Variants in SLCO2B1 observed in about 807,000 individuals in gnomAD.
SLCO2B1 encodes OATP-RP2.
A neutral mutation model predicts 67.3 loss-of-function variants in SLCO2B1; 41 were observed. That is an observed-to-expected ratio of 0.61 (90% CI 0.47 to 0.79). The LOEUF (loss-of-function observed/expected upper bound fraction) is 0.79. SLCO2B1 is among the 30% of genes least tolerant of loss of function. The pLI, the probability that SLCO2B1 is intolerant of heterozygous loss-of-function variation, is 0.00. For missense variants in SLCO2B1, 837 were observed against 920.1 expected, an observed-to-expected ratio of 0.91 and a Z score of 1.17; for synonymous variants, 379 against 381.4, an observed-to-expected ratio of 0.99 and a Z score of 0.07.
rs949542413 is a variant in SLCO2B1 at position 75,196,800 on chromosome 11, C to A, written c.1599+121C>A. 7 of 919,170 alleles carry A rather than the reference C, an allele frequency of 7.6e-6. No individual in the cohort carries two copies. The African/African-American group carries it at 1.2e-4, about 16-fold the overall frequency. 56.9% of individuals were successfully genotyped at this position (919,170 alleles called of 1,614,324 possible). A position where few individuals can be genotyped will look rare whatever the true frequency, so the allele number is the denominator to read the frequency against. ...CTCTGTAGCTCTCGTCTCTCTGTCT[C>A]TCTCTGTTGGCAGATGTAGAACATT... On this transcript the variant is annotated intron_variant, in intron 10 of 13. Coordinates refer to ENST00000289575, the MANE Select transcript of SLCO2B1 (RefSeq NM_007256.5).
intron 9 of SLCO2B1, among the ~76,000 whole-genome samples, chr11:75,194,159 A>G (rs947537775): frequency 6.6e-6 from 1 of 152,190 alleles, no homozygotes; most frequent in South Asian, 2.1e-4. Context: ...AAATTACAGA[A>G]TTCTTTTTCC....
chr11:75,187,060 C>T (rs2140331168), intron 7 of SLCO2B1, among the ~76,000 whole-genome samples: 1 of 152,320 alleles, frequency 6.6e-6, no homozygotes, highest in African/African-American at 2.4e-5. Context: ...ATTATGGTAT[C>T]TACTTCATTA....
chr11:75,186,504 C>T (rs1019350648), intron 7 of SLCO2B1, among the ~76,000 whole-genome samples: 8 of 151,654 alleles, frequency 5.3e-5, no homozygotes, highest in Non-Finnish European at 7.4e-5. Context: ...CCGCCACGCC[C>T]GACTGATTTT....
rs1390169119 is a variant in SLCO2B1 at position 75,193,850 on chromosome 11, G to T, written c.1433+275G>T. ...GGTGTGGAGGCTGAGATAGGGCAGA[G>T]CCACCCATGGGATGGCATGTCCAGG... On this transcript the variant is annotated intron_variant, in intron 9 of 13. Transcript: ENST00000289575. This position sits in a 1 kb window ranked among gnomAD's most constrained non-coding sequence, Gnocchi z 4.2. Among the ~76,000 whole-genome samples the T allele has an allele frequency of 6.6e-6, 1 of 152,226 alleles. No individual in the cohort carries two copies. The highest frequency in any genetic ancestry group is 2.4e-5 in the African/African-American group (1 of 41,470).
At chr11:75,172,354 A>C in intron 6 of SLCO2B1, 25 bp from the exon 7 acceptor site, 1 of 1,597,970 alleles carries the variant, frequency 6.3e-7, no homozygotes, top group Non-Finnish European at 8.6e-7. Context: ...CCTGACCCTA[A>C]TGTCACCATG....
chr11:75,186,635 G>A (rs771648252), intron 7 of SLCO2B1, among the ~76,000 whole-genome samples: 4 of 152,046 alleles, frequency 2.6e-5, no homozygotes, highest in Admixed American at 6.6e-5. Context: ...CTACAGCCGC[G>A]AACCATCACA....
intron 4 of SLCO2B1, 68 bp downstream of exon 4, chr11:75,166,017 C>A (rs1175898822): frequency 4.6e-6 from 7 of 1,520,024 alleles, no homozygotes; most frequent in African/African-American, 1.4e-5. Context: ...TGGGGCCCAC[C>A]CCACAGGCAT....
intron 10 of SLCO2B1, chr11:75,199,988 C>T: frequency 1.9e-6 from 1 of 520,126 alleles, no homozygotes; most frequent in Non-Finnish European, 3.4e-6. Context: ...CTCTGCTTCC[C>T]TCTCCCTGCC....
intron 10 of SLCO2B1, among the ~76,000 whole-genome samples, 160 bp downstream of exon 10, chr11:75,196,839 G>A (rs1591836196): frequency 6.6e-6 from 1 of 152,306 alleles, no homozygotes; most frequent in Admixed American, 6.5e-5. Context: ...CTCACAATAA[G>A]CTTTCACTGG....
At chr11:75,162,103 A>T (rs1949827963) in intron 1 of SLCO2B1, among the ~76,000 whole-genome samples, 1 of 152,106 alleles carries the variant, frequency 6.6e-6, no homozygotes, top group African/African-American at 2.4e-5. Flanking sequence ...GATGACATGC[A>T]CAGGGGTTCC....
chr11:75,158,485 G>C (rs1468541355), intron 1 of SLCO2B1, among the ~76,000 whole-genome samples: 44 of 152,098 alleles, frequency 2.9e-4, no homozygotes, highest in Admixed American at 2.9e-3. Context: ...CAAAGTTAAG[G>C]CTGTTTTTTT....
intron 1 of SLCO2B1, among the ~76,000 whole-genome samples, chr11:75,160,644 C>CCCGTCT (rs1407784675): frequency 6.6e-6 from 1 of 152,338 alleles, no homozygotes; most frequent in Non-Finnish European, 1.5e-5. Flanking sequence ...AGGCCAATTT[C>CCCGTCT]CCGTCTCCTC....
At chr11:75,187,763 C>T (rs1384163121) in intron 7 of SLCO2B1, among the ~76,000 whole-genome samples, 2 of 151,614 alleles carry the variant, frequency 1.3e-5, no homozygotes, top group African/African-American at 2.4e-5. Context: ...TTAGTCACAA[C>T]GATATGGGTG....
chr11:75,173,104 G>C (rs1300564214), intron 7 of SLCO2B1, among the ~76,000 whole-genome samples: 2 of 152,178 alleles, frequency 1.3e-5, no homozygotes, highest in East Asian at 3.8e-4. Context: ...CAGCAAGCAA[G>C]GCAGCACTGG....
chr11:75,173,213 GC>G (rs1432353213), intron 7 of SLCO2B1, among the ~76,000 whole-genome samples: 4 of 152,200 alleles, frequency 2.6e-5, no homozygotes, highest in Non-Finnish European at 4.4e-5. Flanking sequence ...TTCTGAATGT[GC>G]CATAGGAATG....
intron 1 of SLCO2B1, among the ~76,000 whole-genome samples, chr11:75,153,269 T>A (rs558210758): frequency 1.5e-4 from 23 of 152,294 alleles, no homozygotes; most frequent in South Asian, 4.1e-4. Flanking sequence ...TTGAGGTTCA[T>A]CCCTCCTTGT....
chr11:75,202,895 T>G lies in SLCO2B1; in HGVS notation c.1764-6T>G. On this transcript the variant is annotated splice_region_variant and splice_polypyrimidine_tract_variant and intron_variant, in intron 11 of 13. Transcript: ENST00000289575. ...ACCTCATGTTGCCCATGTCTCTGCT[T>G]GTTAGAGGAGTGAAGAAAGAAGACA... 6.2e-7 allele frequency: 1 copy of G among 1,612,996 alleles called. No homozygotes were observed. The highest frequency in any genetic ancestry group is 1.1e-5 in the South Asian group (1 of 91,040).
intron 7 of SLCO2B1, among the ~76,000 whole-genome samples, chr11:75,181,708 G>A (rs189512146): frequency 4.5e-4 from 69 of 152,314 alleles, no homozygotes; most frequent in Non-Finnish European, 9.1e-4. Flanking sequence ...GCTACACACA[G>A]CACATGGTGT....
chr11:75,187,931 G>T (rs1168041840), intron 7 of SLCO2B1, among the ~76,000 whole-genome samples: 5 of 152,174 alleles, frequency 3.3e-5, no homozygotes, highest in African/African-American at 1.2e-4. Flanking sequence ...TTAACCACAA[G>T]AATTTTATTC....
Sources: allele counts gnomAD v4.1 joint callset (sites outside exome capture counted in the v4.1 genomes callset), GRCh38; gene constraint gnomAD v4.1.1; non-coding constraint Gnocchi (gnomAD v3.1); transcripts MANE v1.5; gene names NCBI Gene and HGNC (gene_info 2026-07-23, HGNC 2026-07-21).